NABP1: variants seen among roughly 807,000 people sequenced by gnomAD.
The protein encoded by NABP1 is nucleic acid binding protein 1.
NABP1 carries 18 observed loss-of-function variants against 25.0 expected under a neutral mutation model. The ratio of observed to expected loss-of-function variants is 0.72; its 90% CI spans 0.50 to 1.07. The LOEUF (loss-of-function observed/expected upper bound fraction) is 1.07, where lower values mean the gene tolerates loss of function less well. Ranked by LOEUF, NABP1 falls within the 50% of genes least tolerant of loss-of-function variation. NABP1 has a pLI of 0.00. For synonymous variants in NABP1, 71 were observed against 85.0 expected, an observed-to-expected ratio of 0.84 and a Z score of 0.91; for missense variants, 270 against 255.6, an observed-to-expected ratio of 1.06 and a Z score of -0.39.
intron 5 of NABP1, chr2:191,684,942 C>T (rs144153816): frequency 0.012 from 1,879 of 152,578 alleles, 12 homozygotes; most frequent in Middle Eastern, 0.02. Flanking sequence ...ACCTCCACCT[C>T]GCAGGCTCAA....
chr2:191,684,735 G>C (rs936431605), intron 5 of NABP1: 4 of 152,838 alleles, frequency 2.6e-5, no homozygotes, highest in Non-Finnish European at 5.8e-5. Flanking sequence ...ATGACCCCCA[G>C]ACATCATGTT....
Position 191,679,002 on chromosome 2 carries a change from A to G in NABP1, c.104A>G (p.Lys35Arg). 6.2e-7 allele frequency: 1 copy of G among 1,614,226 alleles called. No individual in the cohort carries two copies. The highest frequency in any genetic ancestry group is 8.5e-7 in the Non-Finnish European group (1 of 1,180,026). Residue 35 changes from lysine to arginine, a missense_variant, in exon 2 of 6, where the codon AAA becomes AGA. Lys to Arg is a conservative substitution (Grantham distance 26). Coordinates refer to ENST00000425611, the MANE Select transcript of NABP1 (RefSeq NM_001031716.5). ...TAAATCCTCACAGGACGCGTGACCAAAACCAAAGACGGCCATGAAGTGAGA... is the reference window on the plus strand; with the variant it reads ...TAAATCCTCACAGGACGCGTGACCAGAACCAAAGACGGCCATGAAGTGAGA... The part of the protein sequence containing the change: ...FIVLEIGRVT[K>R]TKDGHEVRSC...
intron 2 of NABP1, among the ~76,000 whole-genome samples, chr2:191,679,360 A>G (rs1687607785): frequency 6.6e-6 from 1 of 152,150 alleles, no homozygotes; most frequent in African/African-American, 2.4e-5. Flanking sequence ...ACCCCGGTTT[A>G]CAGGTTAAGT....
At chr2:191,682,783 C>A in intron 3 of NABP1, 1 of 240,398 alleles carries the variant, frequency 4.2e-6, no homozygotes, top group South Asian at 4.2e-5. Flanking sequence ...AAACTGTTTG[C>A]CACTGAGGGA....
At position 191,685,831 on chromosome 2, in the gene NABP1, TTTTA is replaced by T; in HGVS notation, c.*70_*73del. Reference sequence around the variant, plus strand: ...TGCCCTACTTGAACACTTATTGCACTTTTATTTATTGTTAACTGTGAAAAGTACG... The same window carrying T: ...TGCCCTACTTGAACACTTATTGCACTTTTATTGTTAACTGTGAAAAGTACG... On this transcript the variant is annotated 3_prime_UTR_variant, in exon 6 of 6. Coordinates refer to ENST00000425611, the MANE Select transcript of NABP1 (RefSeq NM_001031716.5). 1 of 1,460,102 alleles carries T rather than the reference TTTTA, an allele frequency of 6.8e-7. No individual in the cohort carries two copies. Among genetic ancestry groups the T allele is most frequent in the Admixed American group, 1.9e-5 (1 of 51,362 alleles). The allele number at this position is 1,460,102 out of a possible 1,614,324, so 90.4% of individuals were successfully genotyped here.
At chr2:191,685,460 ATTGT>A in intron 5 of NABP1, 135 bp from the exon 6 acceptor site, 1 of 813,280 alleles carries the variant, frequency 1.2e-6, no homozygotes, top group East Asian at 2.7e-5. Context: ...TAGAGCCCAC[ATTGT>A]TTTTTTTTTC....
chr2:191,683,428 T>C lies in NABP1; in HGVS notation c.303-301T>C. On this transcript the variant is annotated intron_variant, in intron 3 of 5. Coordinates refer to ENST00000425611, the MANE Select transcript of NABP1 (RefSeq NM_001031716.5). This position sits in a 1 kb window ranked among gnomAD's most constrained non-coding sequence, Gnocchi z 4.1. Reference sequence around the variant, plus strand: ...CATGTTATTTTTCCTTTGATCAGCTTTTGTGGAAAAACAGGACAGAGATGT... The same window carrying C: ...CATGTTATTTTTCCTTTGATCAGCTCTTGTGGAAAAACAGGACAGAGATGT... The C allele has an allele frequency of 6.4e-6, 2 of 314,336 alleles. No individual in the cohort carries two copies. The allele number at this position is 314,336 out of a possible 1,614,324, so 19.5% of individuals were successfully genotyped here.
Position 191,683,825 on chromosome 2 carries a change from T to C in NABP1, c.378+21T>C. The C allele has an allele frequency of 6.4e-7, 1 of 1,560,860 alleles. No homozygotes were observed. Among genetic ancestry groups the C allele is most frequent in the Non-Finnish European group, 8.8e-7 (1 of 1,142,328 alleles). On this transcript the variant is annotated intron_variant, in intron 4 of 5. Transcript: ENST00000425611. The surrounding 1 kb of genome is among the most constrained non-coding windows in gnomAD (Gnocchi z 4.1). The stretch of plus-strand genomic sequence containing the variant: ...AAGGGGTAATTGTGTAGTATACTTT[T>C]ATGATTAGGCTAATTTTGACTGTGT...
intron 5 of NABP1, 145 bp from the exon 6 acceptor site, chr2:191,685,454 G>A: frequency 2.6e-6 from 2 of 775,218 alleles, no homozygotes; most frequent in Non-Finnish European, 4.0e-6. Context: ...AAAACTTAGA[G>A]CCCACATTGT....
rs1687742228 is a variant in NABP1 at position 191,683,671 on chromosome 2, A to C, written c.303-58A>C. On this transcript the variant is annotated intron_variant, in intron 3 of 5. Coordinates refer to ENST00000425611, the MANE Select transcript of NABP1 (RefSeq NM_001031716.5). This position sits in a 1 kb window ranked among gnomAD's most constrained non-coding sequence, Gnocchi z 4.1. ...CCTAAAAGTTAGAGATGTTACATAA[A>C]GAAGGGTTGAGGACTTTATTTCAGA... The C allele has an allele frequency of 5.6e-6, 7 of 1,252,342 alleles. No individual in the cohort carries two copies. Among genetic ancestry groups the C allele is most frequent in the Non-Finnish European group, 6.9e-6 (6 of 867,770 alleles). The allele number at this position is 1,252,342 out of a possible 1,614,324, so 77.6% of individuals were successfully genotyped here.
chr2:191,681,949 T>C lies in NABP1; in HGVS notation c.234T>C (p.Tyr78=), dbSNP rs777943932. 4.0e-5 allele frequency: 61 copies of C among 1,516,088 alleles called. No homozygotes were observed. The highest frequency in any genetic ancestry group is 4.8e-5 in the Non-Finnish European group (55 of 1,135,014). 93.9% of individuals were successfully genotyped at this position (1,516,088 alleles called of 1,614,324 possible). ...TTAATGTTTCTTTTCTCTCTAGGTA[T>C]GCATCCATGTGGAAAGGATGTCTGA... The part of the protein sequence containing the change: ...PGDIIRLTRG[Y]ASMWKGCLTL... Residue 78 remains tyrosine (Y), a synonymous_variant, in exon 3 of 6, where the codon TAT becomes TAC. Coordinates refer to ENST00000425611, the MANE Select transcript of NABP1 (RefSeq NM_001031716.5).
rs1309173066 is a variant in NABP1 at position 191,685,839 on chromosome 2, ATTG to A, written c.*74_*76del. ...TTGAACACTTATTGCACTTTTATTT[ATTG>A]TTAACTGTGAAAAGTACGTCCTTTA... On this transcript the variant is annotated 3_prime_UTR_variant, in exon 6 of 6. Coordinates refer to ENST00000425611, the MANE Select transcript of NABP1 (RefSeq NM_001031716.5). The A allele has an allele frequency of 1.7e-5, 24 of 1,405,296 alleles. No individual in the cohort carries two copies. The Admixed American group carries it at 2.5e-4, about 15-fold the overall frequency. 87.1% of individuals were successfully genotyped at this position (1,405,296 alleles called of 1,614,324 possible).
intron 1 of NABP1, 133 bp downstream of exon 1, chr2:191,678,838 T>G (rs1039868568): frequency 1.4e-5 from 12 of 881,498 alleles, no homozygotes; most frequent in Non-Finnish European, 2.0e-5. Flanking sequence ...TCTAGTGGCC[T>G]CCGCCCGAGA....
chr2:191,682,112 TTTG>T, intron 3 of NABP1, 95 bp downstream of exon 3: 7 of 676,218 alleles, frequency 1.0e-5, no homozygotes. Flanking sequence ...CTTTGGCTTT[TTTG>T]ACTAGTAAAC....
At position 191,679,908 on chromosome 2, in the gene NABP1, T is replaced by C. The variant is rs1687630823; in HGVS notation, c.230+780T>C. Among the ~76,000 whole-genome samples, 4 of 152,204 alleles carry C rather than the reference T, an allele frequency of 2.6e-5. No homozygotes were observed. In the South Asian group the frequency reaches 8.3e-4, roughly 31 times the overall value. On this transcript the variant is annotated intron_variant, in intron 2 of 5. Transcript: ENST00000425611. ...AGGATTTAGCATATTCTGTGATATG[T>C]CAAATTTGTACTTGGAAAAAGAGGG...
chr2:191,684,385 C>T, intron 5 of NABP1, 89 bp downstream of exon 5: 1 of 850,578 alleles, frequency 1.2e-6, no homozygotes, highest in Non-Finnish European at 1.7e-6. Flanking sequence ...CGTCTTTAGG[C>T]ATAAATTAGT....
chr2:191,683,783 T>C lies in NABP1; in HGVS notation c.357T>C (p.Tyr119=), dbSNP rs930219557. 6.2e-7 allele frequency: 1 copy of C among 1,609,576 alleles called. No individual in the cohort carries two copies. The change falls in exon 4 of 6, where the codon TAT becomes TAC. Residue 119 remains tyrosine, a synonymous_variant. Transcript: ENST00000425611. The surrounding 1 kb of genome is among the most constrained non-coding windows in gnomAD (Gnocchi z 4.1). ...VPNFSEPNPD[Y]RGQQNKGAQS... ...ATTTCAGTGAACCCAACCCAGATTATCGAGGACAGCAGAACAAAGGGGTAA... is the reference window on the plus strand; with the variant it reads ...ATTTCAGTGAACCCAACCCAGATTACCGAGGACAGCAGAACAAAGGGGTAA...
intron 2 of NABP1, 124 bp downstream of exon 2, chr2:191,679,252 A>T: frequency 8.5e-7 from 1 of 1,175,568 alleles, no homozygotes; most frequent in Non-Finnish European, 1.2e-6. Context: ...GGAGTTTTGA[A>T]CTCCTTTGGT....
intron 2 of NABP1, among the ~76,000 whole-genome samples, chr2:191,681,580 T>A (rs569417320): frequency 6.8e-4 from 104 of 152,314 alleles, no homozygotes; most frequent in African/African-American, 2.4e-3. Flanking sequence ...TTAGGATGAT[T>A]TTACATATCT....
Sources: allele counts gnomAD v4.1 joint callset (sites outside exome capture counted in the v4.1 genomes callset), GRCh38; gene constraint gnomAD v4.1.1; non-coding constraint Gnocchi (gnomAD v3.1); transcripts MANE v1.5; gene names NCBI Gene and HGNC (gene_info 2026-07-23, HGNC 2026-07-21).